Variants in GRM7 observed in about 807,000 individuals in gnomAD.
GRM7 encodes the protein metabotropic glutamate receptor 7.
A neutral mutation model predicts 84.5 loss-of-function variants in GRM7; 35 were observed. That is an observed-to-expected ratio of 0.41 (90% CI 0.32 to 0.55). The LOEUF (loss-of-function observed/expected upper bound fraction) is 0.55. GRM7 is among the 20% of genes least tolerant of loss of function. The probability of loss-of-function intolerance (pLI) is 0.19; values close to 1 mark genes in which losing one functional copy is unlikely to be tolerated. For synonymous variants in GRM7, 487 were observed against 455.1 expected (o/e 1.07, Z -0.89); for missense variants, 1,003 against 1,194.6 (o/e 0.84, Z 2.36).
intron 8 of GRM7, among the ~76,000 whole-genome samples, chr3:7,608,952 C>T (rs1452426866): frequency 2.0e-5 from 3 of 152,164 alleles, no homozygotes; most frequent in African/African-American, 7.2e-5. Context: ...GTTATTCCAG[C>T]ACCATTTATT....
chr3:7,041,061 CAG>C (rs1371796573), intron 1 of GRM7, among the ~76,000 whole-genome samples: 1 of 134,228 alleles, frequency 7.5e-6, no homozygotes, highest in African/African-American at 2.9e-5. Context: ...GCCTGGGTGA[CAG>C]AGTGAGACCC....
rs147406680 is a variant in GRM7, at chr3:7,701,855, C to T, written c.2698+21560C>T. ...CAATTAGACATTTTTAGACACTAAGCTCCATGACAGTGGGAACCGTTGTTT... is the reference window on the plus strand; with the variant it reads ...CAATTAGACATTTTTAGACACTAAGTTCCATGACAGTGGGAACCGTTGTTT... On this transcript the variant is annotated intron_variant, in intron 9 of 9. Transcript: ENST00000357716. Among the ~76,000 whole-genome samples, 93 of 152,310 alleles carry T rather than the reference C, an allele frequency of 6.1e-4. 2 individuals carry two copies. In the East Asian group the frequency reaches 0.014, roughly 23 times the overall value.
chr3:7,122,641 A>G (rs780984507), intron 1 of GRM7, among the ~76,000 whole-genome samples: 32 of 152,212 alleles, frequency 2.1e-4, no homozygotes, highest in Admixed American at 1.5e-3. Flanking sequence ...CTACACAGTA[A>G]TTACCTAACT....
At chr3:7,576,320 GTTAGTGATTTA>G (rs1172038909) in intron 7 of GRM7, among the ~76,000 whole-genome samples, 1 of 152,178 alleles carries the variant, frequency 6.6e-6, no homozygotes, top group Non-Finnish European at 1.5e-5. Context: ...GTGCTTTATA[GTTAGTGATTTA>G]TTAGTGCTGA....
chr3:6,935,736 T>C (rs548663759), intron 1 of GRM7, among the ~76,000 whole-genome samples: 43 of 150,670 alleles, frequency 2.9e-4, no homozygotes, highest in Admixed American at 9.3e-4. Context: ...CGCTCTGTCA[T>C]CCAGGCTGGA....
chr3:6,907,309 C>T (rs932931805), intron 1 of GRM7, among the ~76,000 whole-genome samples: 6 of 152,126 alleles, frequency 3.9e-5, no homozygotes, highest in Admixed American at 1.3e-4. Context: ...GGTGAACCTA[C>T]TGTAAAGTTA....
At chr3:7,606,644 C>G (rs1008165399) in intron 8 of GRM7, among the ~76,000 whole-genome samples, 1 of 152,134 alleles carries the variant, frequency 6.6e-6, no homozygotes, top group Non-Finnish European at 1.5e-5. Context: ...AGCGATTCTC[C>G]TGCCTCAGCC....
chr3:7,376,879 G>A (rs1196749765), intron 4 of GRM7, among the ~76,000 whole-genome samples: 1 of 152,036 alleles, frequency 6.6e-6, no homozygotes, highest in African/African-American at 2.4e-5. Flanking sequence ...GGGATATTTG[G>A]CAGCATCCCA....
intron 4 of GRM7, among the ~76,000 whole-genome samples, chr3:7,369,426 T>C (rs1012480423): frequency 3.6e-5 from 5 of 138,492 alleles, no homozygotes; most frequent in African/African-American, 8.2e-5. Context: ...TTTTTTTTTT[T>C]CCCAGAAAGA....
At chr3:7,139,809 A>C (rs934282045) in intron 1 of GRM7, among the ~76,000 whole-genome samples, 1 of 152,042 alleles carries the variant, frequency 6.6e-6, no homozygotes, top group Non-Finnish European at 1.5e-5. Flanking sequence ...AAAAGCAAAA[A>C]TAAATAAATG....
chr3:6,967,962 C>T (rs1177215394), intron 1 of GRM7, among the ~76,000 whole-genome samples: 2 of 152,178 alleles, frequency 1.3e-5, no homozygotes, highest in Non-Finnish European at 2.9e-5. Flanking sequence ...TTATTGAAAT[C>T]AAGTTGAGAG....
intron 4 of GRM7, among the ~76,000 whole-genome samples, chr3:7,311,087 C>T (rs7652143): frequency 0.082 from 12,508 of 152,074 alleles, 1,701 homozygotes; most frequent in African/African-American, 0.28. Flanking sequence ...CAAAATGATA[C>T]ATATATCCTT....
chr3:7,440,311 T>C (rs568408667), intron 5 of GRM7, among the ~76,000 whole-genome samples: 79 of 152,302 alleles, frequency 5.2e-4, no homozygotes, highest in African/African-American at 1.7e-3. Flanking sequence ...GTAATTTATT[T>C]CTGACTGTGG....
intron 6 of GRM7, 22 bp downstream of exon 6, chr3:7,452,829 C>G (rs1697831120): frequency 4.1e-6 from 6 of 1,471,894 alleles, no homozygotes; most frequent in Non-Finnish European, 5.7e-6. Flanking sequence ...AAAATCCATC[C>G]TTTTTGGAAT....
intron 2 of GRM7, among the ~76,000 whole-genome samples, chr3:7,173,702 C>CTTTTA (rs1695057106): frequency 1.3e-5 from 2 of 151,986 alleles, no homozygotes; most frequent in Non-Finnish European, 2.9e-5. Flanking sequence ...CTCTCCTAGG[C>CTTTTA]GTCCCCAGCC....
rs529851507 is a variant in GRM7, at chr3:7,676,549, C to A, written c.2452-3500C>A. Among the ~76,000 whole-genome samples the A allele has an allele frequency of 2.0e-5, 3 of 151,686 alleles. No individual in the cohort carries two copies. In the South Asian group the frequency reaches 6.3e-4, roughly 32 times the overall value. ...TCTCCGCTCTCTGCAACCTGTGCCT[C>A]CCAGATTCAAGTGATTCTCTTGGCT... On this transcript the variant is annotated intron_variant, in intron 8 of 9. Transcript: ENST00000357716.
intron 9 of GRM7, among the ~76,000 whole-genome samples, chr3:7,720,522 G>A (rs1402752316): frequency 6.6e-6 from 1 of 152,104 alleles, no homozygotes; most frequent in Non-Finnish European, 1.5e-5. Context: ...CTGCCAGGGG[G>A]TATCACTGCC....
chr3:7,343,987 A>G, intron 4 of GRM7, among the ~76,000 whole-genome samples: 1 of 152,186 alleles, frequency 6.6e-6, no homozygotes. Flanking sequence ...GTCTGAACTT[A>G]AAATCAGAAC....
intron 4 of GRM7, among the ~76,000 whole-genome samples, chr3:7,372,273 C>A (rs575023579): frequency 3.3e-5 from 5 of 152,098 alleles, no homozygotes; most frequent in Non-Finnish European, 5.9e-5. Flanking sequence ...CACGTAAAGA[C>A]GTTTGTGTGT....
Sources: allele counts gnomAD v4.1 joint callset (sites outside exome capture counted in the v4.1 genomes callset), GRCh38; gene constraint gnomAD v4.1.1; transcripts MANE v1.5; gene names NCBI Gene and HGNC (gene_info 2026-07-23, HGNC 2026-07-21).